XCR1: variants seen among roughly 807,000 people sequenced by gnomAD.
XCR1 encodes the protein chemokine XC receptor 1.
For synonymous variants in XCR1, 187 were observed against 188.5 expected (o/e 0.99, Z 0.06); for missense variants, 356 against 424.2 (o/e 0.84, Z 1.41).
intron 5 of XCR1, among the ~76,000 whole-genome samples, chr3:46,050,831 G>T (rs959585408): frequency 1.3e-5 from 2 of 152,184 alleles, no homozygotes; most frequent in African/African-American, 2.4e-5. Context: ...ATGGCCACTG[G>T]GGAAGGTAAA....
At chr3:46,040,725 T>A (rs1236384446) in intron 5 of XCR1, among the ~76,000 whole-genome samples, 1 of 152,188 alleles carries the variant, frequency 6.6e-6, no homozygotes, top group Non-Finnish European at 1.5e-5. Context: ...TTTGCCTTGA[T>A]GCTCCTCAAA....
intron 4 of XCR1, among the ~76,000 whole-genome samples, chr3:46,062,780 T>C (rs1299872471): frequency 1.3e-5 from 2 of 152,112 alleles, no homozygotes; most frequent in Middle Eastern, 3.2e-3. Context: ...AGAAAGGAGG[T>C]TGGCAGCATC....
chr3:46,039,967 TG>T (rs1553632705), intron 5 of XCR1, among the ~76,000 whole-genome samples: 1 of 152,230 alleles, frequency 6.6e-6, no homozygotes, highest in Non-Finnish European at 1.5e-5. Flanking sequence ...TCTTACCTTA[TG>T]GTAAAACTGA....
chr3:46,082,408 TACACAC>T (rs34278810), intron 1 of XCR1, among the ~76,000 whole-genome samples: 5 of 146,108 alleles, frequency 3.4e-5, no homozygotes, highest in African/African-American at 7.5e-5. Flanking sequence ...TATACATGCA[TACACAC>T]ACACACACAC....
intron 5 of XCR1, among the ~76,000 whole-genome samples, chr3:46,041,911 G>A (rs1323596311): frequency 6.6e-6 from 1 of 152,146 alleles, no homozygotes; most frequent in Non-Finnish European, 1.5e-5. Flanking sequence ...CCTAGTTTTA[G>A]TTGGTCAGGG....
At chr3:46,080,723 G>A (rs1227117466) in intron 1 of XCR1, among the ~76,000 whole-genome samples, 4 of 152,166 alleles carry the variant, frequency 2.6e-5, no homozygotes, top group Non-Finnish European at 5.9e-5. Context: ...TGGACTTAAT[G>A]ATAGACCAAT....
intron 1 of XCR1, among the ~76,000 whole-genome samples, chr3:46,085,145 C>G (rs771816061): frequency 2.0e-5 from 3 of 151,102 alleles, no homozygotes; most frequent in Non-Finnish European, 4.4e-5. Flanking sequence ...TTAAGGAGTT[C>G]CTGTAATCAT....
At chr3:46,040,423 A>G (rs1331051415) in intron 5 of XCR1, among the ~76,000 whole-genome samples, 1 of 152,144 alleles carries the variant, frequency 6.6e-6, no homozygotes. Flanking sequence ...AGTCCAAGAG[A>G]GATCTATTAG....
At chr3:46,051,461 A>C (rs1697741997) in intron 5 of XCR1, among the ~76,000 whole-genome samples, 1 of 152,246 alleles carries the variant, frequency 6.6e-6, no homozygotes, top group African/African-American at 2.4e-5. Context: ...TGCAAGGGCC[A>C]GGATGGGGGC....
At chr3:46,025,143 T>G (rs1708259786) in intron 1 of XCR1, among the ~76,000 whole-genome samples, 1 of 152,092 alleles carries the variant, frequency 6.6e-6, no homozygotes, top group African/African-American at 2.4e-5. Flanking sequence ...GAAGAGCTAA[T>G]TAAAGTAGAA....
chr3:46,077,219 C>A (rs1032309402), intron 1 of XCR1, among the ~76,000 whole-genome samples: 4 of 152,256 alleles, frequency 2.6e-5, no homozygotes, highest in South Asian at 2.1e-4. Flanking sequence ...AAGCAGTGGG[C>A]AGGCAAGTGA....
At chr3:46,083,204 C>T (rs1698408519) in intron 1 of XCR1, among the ~76,000 whole-genome samples, 1 of 152,200 alleles carries the variant, frequency 6.6e-6, no homozygotes, top group South Asian at 2.1e-4. Flanking sequence ...ATCCTGTCTT[C>T]TTGCTTTAAC....
intron 4 of XCR1, among the ~76,000 whole-genome samples, chr3:46,065,990 T>C (rs912915362): frequency 6.6e-6 from 1 of 152,124 alleles, no homozygotes; most frequent in Admixed American, 6.6e-5. Flanking sequence ...GGAAAATATA[T>C]TCACTCCCTT....
At position 46,021,170 on chromosome 3, in the gene XCR1, C is replaced by T. The variant is rs755102288; in HGVS notation, c.778G>A (p.Glu260Lys). Residue 260 changes from glutamate (E) to lysine (K), a missense_variant, in exon 2 of 2, where the codon GAG becomes AAG. Coordinates refer to ENST00000309285, the MANE Select transcript of XCR1 (RefSeq NM_001024644.2). The surrounding 1 kb of genome is among the most constrained non-coding windows in gnomAD (Gnocchi z 4.7). ...LFRTQIIRSCEAKQQLEYALL... is the reference protein window; with the variant it reads ...LFRTQIIRSCKAKQQLEYALL... ...GCGTATTCTAGCTGCTGTTTGGCCTCGCAGCTCCGGATGATCTGGGTCCGA... is the reference window on the plus strand; with the variant it reads ...GCGTATTCTAGCTGCTGTTTGGCCTTGCAGCTCCGGATGATCTGGGTCCGA... 6 of 1,614,110 alleles carry T rather than the reference C, an allele frequency of 3.7e-6. No individual in the cohort carries two copies. Among genetic ancestry groups the T allele is most frequent in the South Asian group, 3.3e-5 (3 of 91,090 alleles).
At position 46,019,895 on chromosome 3, in the gene XCR1, C is replaced by G. The variant is rs1030902323; in HGVS notation, c.*1051G>C. ...TTTCAGGGATGAAACCATGGGCATGCAATGGCAAGAATGAGTCAACTCTGA... is the reference window on the plus strand; with the variant it reads ...TTTCAGGGATGAAACCATGGGCATGGAATGGCAAGAATGAGTCAACTCTGA... On this transcript the variant is annotated 3_prime_UTR_variant, in exon 2 of 2. Coordinates refer to ENST00000309285, the MANE Select transcript of XCR1 (RefSeq NM_001024644.2). 6.6e-6 allele frequency: 1 copy of G among 152,094 alleles called. No individual in the cohort carries two copies. Among genetic ancestry groups the G allele is most frequent in the Non-Finnish European group, 1.5e-5 (1 of 68,054 alleles). 9.4% of individuals were successfully genotyped at this position (152,094 alleles called of 1,614,324 possible).
At chr3:46,058,860 C>G (rs540948545) in intron 4 of XCR1, among the ~76,000 whole-genome samples, 1 of 152,262 alleles carries the variant, frequency 6.6e-6, no homozygotes, top group Admixed American at 6.5e-5. Flanking sequence ...CCATGATGAC[C>G]GGCCATAGGG....
intron 3 of XCR1, among the ~76,000 whole-genome samples, chr3:46,069,945 C>A (rs1418211093): frequency 1.3e-5 from 2 of 151,066 alleles, no homozygotes; most frequent in Non-Finnish European, 3.0e-5. Flanking sequence ...ATGCTATAAA[C>A]TTCTCTCTTA....
chr3:46,040,611 G>A (rs1044370775), intron 5 of XCR1, among the ~76,000 whole-genome samples: 7 of 151,996 alleles, frequency 4.6e-5, no homozygotes, highest in East Asian at 1.9e-4. Flanking sequence ...TAATAATTAC[G>A]ATTATTATGT....
intron 1 of XCR1, among the ~76,000 whole-genome samples, chr3:46,081,694 C>CTT (rs66818091): frequency 4.2e-5 from 6 of 141,714 alleles, no homozygotes; most frequent in South Asian, 2.1e-4. Flanking sequence ...TTCTTTTTTT[C>CTT]TTTTTTTTTT....
Sources: allele counts gnomAD v4.1 joint callset (sites outside exome capture counted in the v4.1 genomes callset), GRCh38; gene constraint gnomAD v4.1.1; non-coding constraint Gnocchi (gnomAD v3.1); transcripts MANE v1.5; gene names NCBI Gene and HGNC (gene_info 2026-07-23, HGNC 2026-07-21).